Variants in DNAL1 observed in about 807,000 individuals in gnomAD.
DNAL1 encodes dynein axonemal light chain 1.
Under a neutral mutation model 29.4 loss-of-function variants are expected in DNAL1, and 17 were observed. The observed-to-expected ratio is 0.58, with a 90% CI of 0.40 to 0.87. The LOEUF (loss-of-function observed/expected upper bound fraction) is 0.87, where lower values mean the gene tolerates loss of function less well. Ranked by LOEUF, DNAL1 falls within the 40% of genes least tolerant of loss-of-function variation. DNAL1 has a pLI of 0.00. For missense variants in DNAL1, 188 were observed against 214.1 expected (o/e 0.88, Z 0.76); for synonymous variants, 78 against 76.3 (o/e 1.02, Z -0.12).
At chr14:73,651,700 G>A (rs1190663970) in intron 1 of DNAL1, among the ~76,000 whole-genome samples, 4 of 152,034 alleles carry the variant, frequency 2.6e-5, no homozygotes, top group East Asian at 1.9e-4. Context: ...TCTGCTGCCC[G>A]GGCTGCAGTG....
intron 4 of DNAL1, among the ~76,000 whole-genome samples, chr14:73,670,224 G>C (rs1228823352): frequency 6.6e-6 from 1 of 152,186 alleles, no homozygotes; most frequent in Non-Finnish European, 1.5e-5. Flanking sequence ...AATTATGGAT[G>C]TTATAGAACA....
At chr14:73,657,323 G>A (rs1051987312) in intron 2 of DNAL1, among the ~76,000 whole-genome samples, 2 of 152,146 alleles carry the variant, frequency 1.3e-5, no homozygotes, top group African/African-American at 4.8e-5. Flanking sequence ...GTGGACCACA[G>A]TCGTGTGCCA....
chr14:73,695,826 G>A, intron 7 of DNAL1, 76 bp from the exon 8 acceptor site: 1 of 1,342,922 alleles, frequency 7.4e-7, no homozygotes, highest in Non-Finnish European at 1.0e-6. Context: ...ACCGTGCCCG[G>A]CCAGGAAAAT....
In DNAL1 at chr14:73,701,974, A is replaced by C. The variant is rs75275419; in HGVS notation, c.*6032A>C. On this transcript the variant is annotated 3_prime_UTR_variant, in exon 8 of 8. Transcript: ENST00000553645. ...AAAAAAAAAAGTATATTTTTGGTAC[A>C]TGATTATTAGTTTTAGCTAATATAG... 1 of 151,960 alleles carries C rather than the reference A, an allele frequency of 6.6e-6. No homozygotes were observed. The highest frequency in any genetic ancestry group is 2.4e-5 in the African/African-American group (1 of 41,376). 9.4% of individuals were successfully genotyped at this position (151,960 alleles called of 1,614,324 possible).
At chr14:73,652,670 TC>T (rs1159656391) in intron 1 of DNAL1, among the ~76,000 whole-genome samples, 2 of 152,180 alleles carry the variant, frequency 1.3e-5, no homozygotes, top group African/African-American at 2.4e-5. Flanking sequence ...AATTATTTTA[TC>T]CCCTCGTTCT....
chr14:73,649,539 C>T (rs1377016605), intron 1 of DNAL1, among the ~76,000 whole-genome samples: 3 of 152,074 alleles, frequency 2.0e-5, no homozygotes, highest in African/African-American at 4.8e-5. Flanking sequence ...GCCTCAGCCT[C>T]CCAAAGTGCT....
chr14:73,669,566 C>T (rs962200720), intron 4 of DNAL1, among the ~76,000 whole-genome samples: 5 of 152,130 alleles, frequency 3.3e-5, no homozygotes, highest in African/African-American at 9.7e-5. Flanking sequence ...TGAGCCACCA[C>T]GCCCGGTCTA....
chr14:73,678,060 G>A (rs141814815), intron 5 of DNAL1, among the ~76,000 whole-genome samples: 1 of 151,308 alleles, frequency 6.6e-6, no homozygotes, highest in Non-Finnish European at 1.5e-5. Flanking sequence ...CCACACCCAG[G>A]TAATATTTTT....
At chr14:73,691,708 CTTT>C (rs966001821) in intron 7 of DNAL1, among the ~76,000 whole-genome samples, 1 of 151,596 alleles carries the variant, frequency 6.6e-6, no homozygotes, top group South Asian at 2.1e-4. Flanking sequence ...GTCTGTCATT[CTTT>C]TTTTTAGAGT....
At chr14:73,687,542 T>C (rs1015639481) in intron 6 of DNAL1, among the ~76,000 whole-genome samples, 157 bp downstream of exon 6, 4 of 152,224 alleles carry the variant, frequency 2.6e-5, no homozygotes, top group African/African-American at 9.6e-5. Context: ...AATAGGAGTT[T>C]CTAAATTTTA....
At chr14:73,681,959 A>G (rs1281829063) in intron 5 of DNAL1, among the ~76,000 whole-genome samples, 1 of 151,496 alleles carries the variant, frequency 6.6e-6, no homozygotes, top group Non-Finnish European at 1.5e-5. Flanking sequence ...TTGAAAATAC[A>G]AAATTAGCCA....
At chr14:73,674,027 A>G (rs1891673383) in intron 5 of DNAL1, among the ~76,000 whole-genome samples, 1 of 151,846 alleles carries the variant, frequency 6.6e-6, no homozygotes, top group Non-Finnish European at 1.5e-5. Flanking sequence ...TAAATTAAAA[A>G]TGATTACTGT....
rs3041354 is a variant in DNAL1 at position 73,694,692 on chromosome 14, C to CT, written c.533-1195dup. Among the ~76,000 whole-genome samples, 581 of 143,170 alleles carry CT rather than the reference C, an allele frequency of 4.1e-3. 2 individuals are homozygous for CT. The highest frequency in any genetic ancestry group is 8.0e-3 in the African/African-American group (312 of 39,230). The allele number at this position is 143,170 out of a possible 152,430, so 93.9% of individuals were successfully genotyped here. ...ATTTCTTTATGCTTAACATAGAAAA[C>CT]TTTTTTTTTTTTTTTGAGATGGAGT... On this transcript the variant is annotated intron_variant, in intron 7 of 7. Transcript: ENST00000553645.
intron 5 of DNAL1, among the ~76,000 whole-genome samples, chr14:73,679,877 GTCTT>G (rs1891836400): frequency 6.9e-6 from 1 of 144,002 alleles, no homozygotes; most frequent in African/African-American, 2.5e-5. Context: ...CAGGTATCAT[GTCTT>G]TTTTTTTTTT....
In DNAL1 at chr14:73,671,601, GGTT is replaced by G. The variant is rs759374974; in HGVS notation, c.264+8_264+10del. The G allele has an allele frequency of 6.2e-6, 9 of 1,458,352 alleles. No individual in the cohort carries two copies. Among genetic ancestry groups the G allele is most frequent in the Middle Eastern group, 1.8e-4 (1 of 5,570 alleles). 90.3% of individuals were successfully genotyped at this position (1,458,352 alleles called of 1,614,324 possible). A position where few individuals can be genotyped will look rare whatever the true frequency, so the allele number is the denominator to read the frequency against. On this transcript the variant is annotated splice_donor_5th_base_variant and intron_variant, in intron 5 of 7. Transcript: ENST00000553645. ...CATAAAGAACTTAAATGGACTGGTAGGTTGTTATTTATTATTATTTTATTTATT... is the reference window on the plus strand; with the variant it reads ...CATAAAGAACTTAAATGGACTGGTAGGTTATTTATTATTATTTTATTTATT...
chr14:73,688,880 G>GT (rs1382241814), intron 6 of DNAL1, among the ~76,000 whole-genome samples: 1 of 152,004 alleles, frequency 6.6e-6, no homozygotes, highest in Non-Finnish European at 1.5e-5. Flanking sequence ...CTCCCATCCT[G>GT]TACTGTCTTC....
rs147480061 is a variant in DNAL1 at position 73,682,485 on chromosome 14, G to A, written c.265-4774G>A. On this transcript the variant is annotated intron_variant, in intron 5 of 7. Transcript: ENST00000553645. The stretch of plus-strand genomic sequence containing the variant: ...ATTACAGGCATGAGCCACTGCGCCC[G>A]GCCAACTTTTTTAATGTTAAAAACT... 2.0e-3 allele frequency among the ~76,000 whole-genome samples: 302 copies of A among 150,670 alleles called. 8 individuals are homozygous for A. The East Asian group carries it at 0.048, about 24-fold the overall frequency.
rs151258496 is a variant in DNAL1, at chr14:73,650,494, A to T, written c.4-4353A>T. Among the ~76,000 whole-genome samples, 4 of 152,288 alleles carry T rather than the reference A, an allele frequency of 2.6e-5. No homozygotes were observed. In the East Asian group the frequency reaches 7.7e-4, roughly 29 times the overall value. ...GCAGGAATCTCTGTTTTGTTCATTG[A>T]TATACCTAAACACATAGAGGAATGC... is the stretch of plus-strand genomic sequence containing the variant. On this transcript the variant is annotated intron_variant, in intron 1 of 7. Transcript: ENST00000553645.
At chr14:73,695,138 C>G (rs7155769) in intron 7 of DNAL1, among the ~76,000 whole-genome samples, 22,435 of 143,956 alleles carry the variant, frequency 0.16, 2,769 homozygotes, top group East Asian at 0.68. Flanking sequence ...TCACCATAGC[C>G]TGGACATCCC....
Sources: allele counts gnomAD v4.1 joint callset (sites outside exome capture counted in the v4.1 genomes callset), GRCh38; gene constraint gnomAD v4.1.1; transcripts MANE v1.5; gene names NCBI Gene and HGNC (gene_info 2026-07-23, HGNC 2026-07-21).